Variants in QTGAL observed in about 807,000 individuals in gnomAD.
The protein encoded by QTGAL is queuosine-tRNA galactosyltransferase, also known as BGnT-like protein 1.
chr17:83,041,301 G>A, the QTGAL span, among the ~76,000 whole-genome samples: 3 of 151,810 alleles, frequency 2.0e-5, no homozygotes, highest in Non-Finnish European at 2.9e-5. Flanking sequence ...CACACGGAAA[G>A]GCAAGAGAAA....
chr17:83,046,958 C>T, the QTGAL span, among the ~76,000 whole-genome samples: 4 of 152,202 alleles, frequency 2.6e-5, no homozygotes, highest in African/African-American at 9.7e-5. Context: ...TAAATGAAGC[C>T]GGTTACAAAA....
the QTGAL span, among the ~76,000 whole-genome samples, chr17:82,999,605 C>T: frequency 6.6e-5 from 10 of 152,204 alleles, no homozygotes; most frequent in East Asian, 1.5e-3. Flanking sequence ...TGTATTTTTA[C>T]AATAAAGTAA....
chr17:82,967,369 G>T, the QTGAL span, among the ~76,000 whole-genome samples: 1 of 152,278 alleles, frequency 6.6e-6, no homozygotes, highest in South Asian at 2.1e-4. Flanking sequence ...GAACCATCGT[G>T]TAACACAGCC....
the QTGAL span, among the ~76,000 whole-genome samples, chr17:83,050,108 C>G: frequency 0.018 from 2,771 of 152,278 alleles, 47 homozygotes; most frequent in Non-Finnish European, 0.026. Context: ...CGGTAGCTCA[C>G]GCCTGTAATC....
the QTGAL span, among the ~76,000 whole-genome samples, chr17:83,037,700 C>T: frequency 6.6e-6 from 1 of 152,216 alleles, no homozygotes; most frequent in Non-Finnish European, 1.5e-5. This position sits in a 1 kb window ranked among gnomAD's most constrained non-coding sequence, Gnocchi z 5.2. Context: ...GCACACTGTT[C>T]AACAGGGGCT....
At chr17:82,992,031 AT>A in the QTGAL span, among the ~76,000 whole-genome samples, 1 of 152,184 alleles carries the variant, frequency 6.6e-6, no homozygotes, top group Non-Finnish European at 1.5e-5. Context: ...ATAAAAAAGA[AT>A]AAACAATAAT....
At chr17:82,958,796 T>TACTGTGTGGGGGTGTATG in the QTGAL span, among the ~76,000 whole-genome samples, 15 of 122,796 alleles carry the variant, frequency 1.2e-4, no homozygotes, top group African/African-American at 6.1e-4. Context: ...CACTGAAGCA[T>TACTGTGTGGGGGTGTATG]GTGTGTGTGT....
chr17:83,046,610 C>T, the QTGAL span, among the ~76,000 whole-genome samples: 1 of 152,308 alleles, frequency 6.6e-6, no homozygotes, highest in South Asian at 2.1e-4. Context: ...GAAATTGGAA[C>T]GTTCATACAT....
At chr17:82,961,417 G>C in the QTGAL span, 3 of 548,830 alleles carry the variant, frequency 5.5e-6, no homozygotes, top group Non-Finnish European at 6.5e-6. Context: ...CTGGGTCTTG[G>C]TTCTGCCCCA....
chr17:83,012,505 C>T, the QTGAL span, among the ~76,000 whole-genome samples: 22 of 152,192 alleles, frequency 1.4e-4, no homozygotes, highest in African/African-American at 5.3e-4. Flanking sequence ...GTGTAAAAAT[C>T]GCTGTGGCAC....
chr17:82,990,741 CT>C, the QTGAL span, among the ~76,000 whole-genome samples: 1 of 152,182 alleles, frequency 6.6e-6, no homozygotes, highest in Non-Finnish European at 1.5e-5. Flanking sequence ...CCCTAACCCC[CT>C]ATTTGAGGTA....
chr17:83,012,828 G>A, the QTGAL span, among the ~76,000 whole-genome samples: 18 of 151,592 alleles, frequency 1.2e-4, no homozygotes, highest in East Asian at 2.0e-4. Flanking sequence ...TGGAAAAACC[G>A]TCTGTGATCA....
chr17:82,998,502 T>C, the QTGAL span, among the ~76,000 whole-genome samples: 1 of 152,112 alleles, frequency 6.6e-6, no homozygotes, highest in South Asian at 2.1e-4. Flanking sequence ...CCCACCACCA[T>C]GCCTGGCTAA....
At chr17:82,987,452 A>C in the QTGAL span, among the ~76,000 whole-genome samples, 63 of 152,368 alleles carry the variant, frequency 4.1e-4, no homozygotes, top group Non-Finnish European at 8.5e-4. Flanking sequence ...CACTAATGAC[A>C]GTCACATGGG....
chr17:82,976,093 A>G, the QTGAL span, among the ~76,000 whole-genome samples: 4 of 33,968 alleles, frequency 1.2e-4, no homozygotes, highest in South Asian at 1.0e-3. Context: ...ACAGGGCCCC[A>G]GGACAGAGCC....
At chr17:83,048,635 G>C in the QTGAL span, 1 of 1,606,310 alleles carries the variant, frequency 6.2e-7, no homozygotes, top group Non-Finnish European at 8.5e-7. Context: ...GCTTACACTG[G>C]GGCTGAGTCA....
At chr17:83,001,342 G>C in the QTGAL span, among the ~76,000 whole-genome samples, 2 of 152,174 alleles carry the variant, frequency 1.3e-5, no homozygotes, top group Non-Finnish European at 1.5e-5. Context: ...GAAGACGGAG[G>C]AATCTGGATA....
the QTGAL span, among the ~76,000 whole-genome samples, chr17:83,050,092 C>T: frequency 1.3e-5 from 2 of 152,146 alleles, no homozygotes; most frequent in Admixed American, 6.5e-5. Context: ...GAGTTCTGGC[C>T]GGGCGCGGTA....
the QTGAL span, chr17:82,943,693 G>A: frequency 1.2e-3 from 184 of 152,362 alleles, 1 homozygote; most frequent in African/African-American, 4.2e-3. Context: ...TGTGTGTGAC[G>A]ACCTGGCCAC....
Sources: allele counts gnomAD v4.1 joint callset (sites outside exome capture counted in the v4.1 genomes callset), GRCh38; gene constraint gnomAD v4.1.1; non-coding constraint Gnocchi (gnomAD v3.1); transcripts MANE v1.5; gene names NCBI Gene and HGNC (gene_info 2026-07-23, HGNC 2026-07-21).